The following LRRC7 variants were observed in gnomAD, a reference collection of about 807,000 sequenced individuals.
LRRC7 encodes the protein leucine rich repeat containing 7.
A neutral mutation model predicts 175.7 loss-of-function variants in LRRC7; 23 were observed. The ratio of observed to expected loss-of-function variants is 0.13; its 90% confidence interval spans 0.09 to 0.19. The LOEUF is 0.19. LRRC7 is among the 10% of genes least tolerant of loss of function. LRRC7 has a pLI of 1.00. For synonymous variants in LRRC7, 685 were observed against 680.9 expected, an observed-to-expected ratio of 1.01 and a Z score of -0.09; for missense variants, 1,354 against 1,904.7, an observed-to-expected ratio of 0.71 and a Z score of 5.38.
chr1:69,967,682 G>A (rs1651798343), intron 8 of LRRC7, among the ~76,000 whole-genome samples: 1 of 152,100 alleles, frequency 6.6e-6, no homozygotes, highest in African/African-American at 2.4e-5. Flanking sequence ...CTTGCTGGGT[G>A]GCTAGATCCA....
At chr1:69,653,705 A>G (rs1489535522) in intron 1 of LRRC7, among the ~76,000 whole-genome samples, 1 of 152,080 alleles carries the variant, frequency 6.6e-6, no homozygotes, top group Non-Finnish European at 1.5e-5. Context: ...TTATGCCCTT[A>G]TGATTATTTC....
intron 1 of LRRC7, among the ~76,000 whole-genome samples, chr1:69,644,057 T>A (rs1654634957): frequency 6.6e-6 from 1 of 152,162 alleles, no homozygotes; most frequent in African/African-American, 2.4e-5. Context: ...TTAAAGGATT[T>A]CATTGTTTCA....
At chr1:69,650,760 TA>T (rs1655717407) in intron 1 of LRRC7, among the ~76,000 whole-genome samples, 1 of 151,898 alleles carries the variant, frequency 6.6e-6, no homozygotes, top group Non-Finnish European at 1.5e-5. Flanking sequence ...CAGAAAATCT[TA>T]ATCATTTCTT....
chr1:69,569,650 A>G (rs1410010179), intron 1 of LRRC7, among the ~76,000 whole-genome samples: 1 of 151,990 alleles, frequency 6.6e-6, no homozygotes, highest in African/African-American at 2.4e-5. Context: ...AATAACGGAG[A>G]TGGCTGAAAG....
chr1:69,638,306 A>G (rs986455633), intron 1 of LRRC7, among the ~76,000 whole-genome samples: 1 of 151,836 alleles, frequency 6.6e-6, no homozygotes, highest in African/African-American at 2.4e-5. Flanking sequence ...AATACAGACT[A>G]TTATTGTCTG....
chr1:69,574,838 CA>C lies in LRRC7; in HGVS notation c.2+6198del, dbSNP rs147043220. On this transcript the variant is annotated intron_variant, in intron 1 of 26. Transcript: ENST00000651989. ...TTCTTCTGATCAGTGTAATTCAAGA[CA>C]TGAAAAAAATTTCTTCCCTATATCA... 8.5e-3 allele frequency among the ~76,000 whole-genome samples: 1,288 copies of C among 152,026 alleles called. 21 individuals carry two copies. The highest frequency in any genetic ancestry group is 0.028 in the African/African-American group (1,178 of 41,490).
intron 16 of LRRC7, 41 bp from the exon 17 acceptor site, chr1:70,023,085 C>T (rs1186131926): frequency 1.4e-6 from 2 of 1,396,580 alleles, no homozygotes; most frequent in Non-Finnish European, 1.9e-6. Context: ...TGCTACAGTG[C>T]TCCTCTTTCT....
chr1:69,838,345 A>AAAGTAGTTATTTCT, intron 7 of LRRC7, 62 bp downstream of exon 7: 1 of 1,309,160 alleles, frequency 7.6e-7, no homozygotes, highest in Non-Finnish European at 1.1e-6. Flanking sequence ...AAGAGAAATA[A>AAAGTAGTTATTTCT]CTACTTTTAT....
chr1:69,688,525 C>T (rs1164709484), intron 2 of LRRC7, among the ~76,000 whole-genome samples: 1 of 152,000 alleles, frequency 6.6e-6, no homozygotes, highest in African/African-American at 2.4e-5. Context: ...TGGGTGTCAG[C>T]TTTATTCTTG....
At chr1:69,834,912 A>G (rs778080244) in intron 6 of LRRC7, 43 bp downstream of exon 6, 1 of 1,492,906 alleles carries the variant, frequency 6.7e-7, no homozygotes, top group Non-Finnish European at 9.3e-7. Context: ...ATCTCACCTT[A>G]GGTAAGTGCT....
intron 1 of LRRC7, 92 bp downstream of exon 1, chr1:69,568,733 C>A (rs1645603444): frequency 1.7e-6 from 1 of 589,330 alleles, no homozygotes; most frequent in Admixed American, 5.8e-5. Flanking sequence ...CCCCAGAGGC[C>A]GGCCGGGGGC....
At chr1:69,877,098 G>A (rs563599691) in intron 7 of LRRC7, among the ~76,000 whole-genome samples, 8 of 152,272 alleles carry the variant, frequency 5.3e-5, no homozygotes, top group African/African-American at 1.9e-4. Context: ...AAAGCACGAG[G>A]AAGGAGTAAC....
chr1:69,708,689 G>A (rs1169323569), intron 2 of LRRC7, among the ~76,000 whole-genome samples: 1 of 152,166 alleles, frequency 6.6e-6, no homozygotes, highest in East Asian at 1.9e-4. Flanking sequence ...TCTCATATGG[G>A]CATGTTCATG....
chr1:69,725,289 C>T (rs1369935909), intron 2 of LRRC7, among the ~76,000 whole-genome samples: 1 of 152,084 alleles, frequency 6.6e-6, no homozygotes, highest in Non-Finnish European at 1.5e-5. Context: ...CTCTTTCCAT[C>T]TTGGAGGTGG....
At chr1:69,889,835 A>C (rs895720177) in intron 7 of LRRC7, among the ~76,000 whole-genome samples, 1 of 147,258 alleles carries the variant, frequency 6.8e-6, no homozygotes, top group Non-Finnish European at 1.5e-5. Flanking sequence ...GAGAAGAAGA[A>C]GGAGAGGAGG....
intron 21 of LRRC7, among the ~76,000 whole-genome samples, chr1:70,042,895 C>A (rs1660030232): frequency 6.6e-6 from 1 of 152,116 alleles, no homozygotes; most frequent in Admixed American, 6.6e-5. Context: ...TGCTAAAAAT[C>A]ATTACTTTGA....
chr1:69,977,960 T>C (rs1208116152), intron 8 of LRRC7, among the ~76,000 whole-genome samples: 4 of 152,212 alleles, frequency 2.6e-5, no homozygotes, highest in Non-Finnish European at 5.9e-5. Flanking sequence ...TGTATTCATA[T>C]GAGCTTTTGT....
chr1:69,986,476 A>G (rs970773933), intron 10 of LRRC7, 90 bp downstream of exon 10: 9 of 1,047,108 alleles, frequency 8.6e-6, no homozygotes, highest in Admixed American at 2.8e-5. Context: ...TATAGGTAAT[A>G]TACTGTTAGT....
chr1:69,756,254 A>C (rs1374396866), intron 2 of LRRC7, among the ~76,000 whole-genome samples: 1 of 151,956 alleles, frequency 6.6e-6, no homozygotes, highest in Non-Finnish European at 1.5e-5. Context: ...AAATTTCAAC[A>C]GAAAAAAATA....
Sources: gnomAD v4.1 joint callset for allele counts (sites outside exome capture counted in the v4.1 genomes callset) on GRCh38, gnomAD v4.1.1 for gene constraint, MANE v1.5 for transcripts, NCBI Gene and HGNC (gene_info 2026-07-23, HGNC 2026-07-21) for gene names.